The following PDS5A variants were observed in gnomAD, a reference collection of about 807,000 sequenced individuals.
PDS5A encodes PDS5 cohesin associated factor A.
A neutral mutation model predicts 167.1 loss-of-function variants in PDS5A; 42 were observed. The ratio of observed to expected loss-of-function variants is 0.25; its 90% confidence interval spans 0.20 to 0.33. PDS5A has a LOEUF of 0.33. PDS5A is among the 10% of genes least tolerant of loss of function. The pLI is 1.00. For missense variants in PDS5A, 1,033 were observed against 1,605.9 expected (o/e 0.64, Z 6.10); for synonymous variants, 553 against 554.6 (o/e 1.00, Z 0.04).
At chr4:39,931,657 T>C (rs987853513) in intron 2 of PDS5A, among the ~76,000 whole-genome samples, 8 of 152,178 alleles carry the variant, frequency 5.3e-5, no homozygotes, top group Non-Finnish European at 1.0e-4. Context: ...AGAGCAAATA[T>C]GAAGTGGCAG....
At position 39,973,021 on chromosome 4, in the gene PDS5A, A is replaced by G. The variant is rs1197833713; in HGVS notation, c.138+3419T>C. On this transcript the variant is annotated intron_variant, in intron 2 of 32. Transcript: ENST00000303538. The stretch of plus-strand genomic sequence containing the variant: ...TGTTCAAAGTTTCCTTTCCTTTTTA[A>G]ATTTATTTTATATTTTGCAATTTTT... The G allele has an allele frequency of 2.0e-5, 8 of 399,582 alleles. No individual in the cohort carries two copies. The East Asian group carries it at 3.8e-4, about 19-fold the overall frequency. 24.8% of individuals were successfully genotyped at this position (399,582 alleles called of 1,614,324 possible).
Position 39,844,672 on chromosome 4 carries a change from T to C in PDS5A, c.3532A>G (p.Thr1178Ala). Reference protein sequence around the residue: ...INVNSELNPSTGNRSREQSSE... With the variant: ...INVNSELNPSAGNRSREQSSE... ...AAAAGTTGCCTTGATCGATTTCCGG[T>C]TGAAGGGTTCAGCTCTGAATTTACA... The change falls in exon 30 of 33, where the codon ACC (threonine) becomes GCC (alanine). Residue 1178 changes from threonine to alanine, a missense_variant. By Grantham distance (58) the Thr-to-Ala change is moderately conservative. Transcript: ENST00000303538. The C allele has an allele frequency of 1.2e-6, 2 of 1,607,916 alleles. No individual in the cohort carries two copies. The highest frequency in any genetic ancestry group is 2.2e-5 in the South Asian group (2 of 89,430).
At chr4:39,963,056 C>T (rs1397358075) in intron 2 of PDS5A, among the ~76,000 whole-genome samples, 3 of 151,790 alleles carry the variant, frequency 2.0e-5, no homozygotes, top group East Asian at 1.9e-4. Context: ...TGGTGGCTCA[C>T]GCCTGTAATT....
chr4:39,845,878 G>A lies in PDS5A; in HGVS notation c.3342C>T (p.Asp1114=). Reference sequence around the variant, plus strand: ...AAATATAACTCTTATCGTTACAGAAGTCCTATTAAAAAAAAAAAAGAAAAA... The same window carrying A: ...AAATATAACTCTTATCGTTACAGAAATCCTATTAAAAAAAAAAAAGAAAAA... ...PMKFFTQPEK[D]FCNDKSYISE... is the part of the protein sequence containing the mutation. Residue 1114 remains aspartate (D), a splice_region_variant and synonymous_variant, in exon 29 of 33, where the codon GAC becomes GAT. Transcript: ENST00000303538. The A allele has an allele frequency of 7.5e-7, 1 of 1,330,450 alleles. No homozygotes were observed. 82.4% of individuals were successfully genotyped at this position (1,330,450 alleles called of 1,614,324 possible). A position where few individuals can be genotyped will look rare whatever the true frequency, so the allele number is the denominator to read the frequency against.
chr4:39,860,332 G>C (rs557334671), intron 26 of PDS5A, among the ~76,000 whole-genome samples: 181 of 152,102 alleles, frequency 1.2e-3, no homozygotes, highest in African/African-American at 4.2e-3. Context: ...GGTTGTGGTG[G>C]TACACGTCTG....
At chr4:39,963,022 A>G in intron 2 of PDS5A, among the ~76,000 whole-genome samples, 1 of 145,304 alleles carries the variant, frequency 6.9e-6, no homozygotes, top group South Asian at 2.2e-4. Context: ...TACCACAATT[A>G]AAAAAAAAAA....
rs138766294 is a variant in PDS5A, at chr4:39,962,142, C to A, written c.138+14298G>T. Among the ~76,000 whole-genome samples the A allele has an allele frequency of 1.8e-3, 278 of 152,038 alleles. 3 individuals are homozygous for A. Among genetic ancestry groups the A allele is most frequent in the African/African-American group, 6.5e-3 (270 of 41,496 alleles). On this transcript the variant is annotated intron_variant, in intron 2 of 32. Transcript: ENST00000303538. ...GCACAATCTCAGCTCACTGCAAGCT[C>A]CGCCTCCCGGGTTCACGGCATTCTC...
intron 28 of PDS5A, chr4:39,848,257 GAAAT>G (rs1480043989): frequency 2.6e-5 from 4 of 153,660 alleles, no homozygotes; most frequent in African/African-American, 9.7e-5. Context: ...CTAACAGCAG[GAAAT>G]AAACAAAAGC....
intron 32 of PDS5A, among the ~76,000 whole-genome samples, chr4:39,826,035 T>C (rs999605257): frequency 4.6e-5 from 7 of 152,210 alleles, no homozygotes; most frequent in African/African-American, 1.7e-4. Flanking sequence ...TTAGTGCTGC[T>C]ATCCAATGCC....
Position 39,869,377 on chromosome 4 carries a change from G to A in PDS5A, c.2505+17C>T, listed in dbSNP as rs1446332470. ...CTTTTTTAAACATGAAGATTATCAA[G>A]GCCTAAACAAATTTACCTTTGCTAG... On this transcript the variant is annotated intron_variant, in intron 22 of 32. Transcript: ENST00000303538. 1.4e-6 allele frequency: 2 copies of A among 1,449,306 alleles called. No homozygotes were observed. Among genetic ancestry groups the A allele is most frequent in the Non-Finnish European group, 9.7e-7 (1 of 1,032,476 alleles). 89.8% of individuals were successfully genotyped at this position (1,449,306 alleles called of 1,614,324 possible).
chr4:39,914,217 A>G (rs537519132), intron 8 of PDS5A, among the ~76,000 whole-genome samples: 5 of 140,534 alleles, frequency 3.6e-5, no homozygotes, highest in African/African-American at 1.3e-4. Context: ...GCTAGAGTGC[A>G]GTGGCACGAT....
intron 7 of PDS5A, 148 bp from the exon 8 acceptor site, chr4:39,917,336 T>C: frequency 2.0e-6 from 1 of 492,060 alleles, no homozygotes; most frequent in Non-Finnish European, 3.5e-6. Flanking sequence ...TGATTACTAA[T>C]ATATAATAGG....
intron 5 of PDS5A, among the ~76,000 whole-genome samples, chr4:39,925,247 C>T (rs909056545): frequency 1.3e-5 from 2 of 152,196 alleles, no homozygotes; most frequent in East Asian, 1.9e-4. Context: ...TTTGAGCCTC[C>T]TGTCCAGCAA....
intron 2 of PDS5A, among the ~76,000 whole-genome samples, chr4:39,935,715 A>C (rs1193102768): frequency 1.3e-5 from 2 of 152,222 alleles, no homozygotes; most frequent in Non-Finnish European, 2.9e-5. Flanking sequence ...TGAATCATCC[A>C]ACTCAACATA....
At chr4:39,842,897 CTT>C (rs1473438175) in intron 30 of PDS5A, among the ~76,000 whole-genome samples, 3 of 53,100 alleles carry the variant, frequency 5.6e-5, no homozygotes, top group Admixed American at 2.1e-4. Flanking sequence ...ACAATGTAAA[CTT>C]ATCCTATTTT....
chr4:39,879,665 C>T lies in PDS5A; in HGVS notation c.1992+63G>A, dbSNP rs1321499060. The T allele has an allele frequency of 3.2e-6, 3 of 942,214 alleles. No homozygotes were observed. The East Asian group carries it at 7.2e-5, about 23-fold the overall frequency. 58.4% of individuals were successfully genotyped at this position (942,214 alleles called of 1,614,324 possible). On this transcript the variant is annotated intron_variant, in intron 18 of 32. Transcript: ENST00000303538. ...GAAATAAGCCTGACTCTTGCATATCCTGAAGGGAAGGCAAATTATGACCCC... is the reference window on the plus strand; with the variant it reads ...GAAATAAGCCTGACTCTTGCATATCTTGAAGGGAAGGCAAATTATGACCCC...
chr4:39,890,426 A>G, intron 16 of PDS5A, 62 bp from the exon 17 acceptor site: 1 of 873,574 alleles, frequency 1.1e-6, no homozygotes, highest in South Asian at 1.5e-5. Flanking sequence ...GAAAAGAAAA[A>G]TGACTAAGGA....
At position 39,874,330 on chromosome 4, in the gene PDS5A, T is replaced by C; in HGVS notation, c.2236A>G (p.Ile746Val). Residue 746 changes from isoleucine to valine, a missense_variant, in exon 20 of 33, where the codon ATA becomes GTA. By Grantham distance (29) the Ile-to-Val change is conservative. This residue lies in a region of PDS5A where 367 missense variants were observed against 686.7 expected (regional missense o/e 0.53). Transcript: ENST00000303538. Reference protein sequence around the residue: ...AKQAVHCIHAIFTNKEVQLAQ... With the variant: ...AKQAVHCIHAVFTNKEVQLAQ... ...AGCTGGACTTCTTTATTTGTGAATA[T>C]GGCGTGTATACAGTGCACAGCCTGT... is the stretch of plus-strand genomic sequence containing the variant. 2 of 1,613,018 alleles carry C rather than the reference T, an allele frequency of 1.2e-6. No individual in the cohort carries two copies. The highest frequency in any genetic ancestry group is 1.7e-6 in the Non-Finnish European group (2 of 1,179,088).
At chr4:39,919,144 A>C (rs1724681931) in intron 7 of PDS5A, among the ~76,000 whole-genome samples, 2 of 152,194 alleles carry the variant, frequency 1.3e-5, no homozygotes, top group African/African-American at 4.8e-5. Flanking sequence ...CATTTAAATT[A>C]AAAGCCTCAT....
Sources: allele counts gnomAD v4.1 joint callset (sites outside exome capture counted in the v4.1 genomes callset), GRCh38; gene constraint gnomAD v4.1.1; regional missense constraint gnomAD v4.1.1; transcripts MANE v1.5; gene names NCBI Gene and HGNC (gene_info 2026-07-23, HGNC 2026-07-21).